GMDS: variants seen among roughly 807,000 people sequenced by gnomAD.
GMDS encodes the protein GDP-mannose 4,6 dehydratase.
Under a neutral mutation model 49.9 loss-of-function variants are expected in GMDS, and 20 were observed. The observed-to-expected ratio is 0.40, with a 90% confidence interval of 0.28 to 0.58. The LOEUF is 0.58. GMDS is among the 20% of genes least tolerant of loss of function. The pLI, the probability that GMDS is intolerant of heterozygous loss-of-function variation, is 0.42. For missense variants in GMDS, 362 were observed against 481.4 expected (o/e 0.75, Z 2.32); for synonymous variants, 177 against 178.6 (o/e 0.99, Z 0.07).
chr6:1,760,257 T>C (rs1768107560), intron 7 of GMDS, among the ~76,000 whole-genome samples: 1 of 152,192 alleles, frequency 6.6e-6, no homozygotes, highest in Non-Finnish European at 1.5e-5. Flanking sequence ...TCTGCTCCTT[T>C]AGCAAACAAG....
chr6:2,121,106 C>T (rs1380264739), intron 2 of GMDS, among the ~76,000 whole-genome samples: 1 of 152,158 alleles, frequency 6.6e-6, no homozygotes, highest in African/African-American at 2.4e-5. Context: ...CCCAGGGTCA[C>T]GGAGCCTGAA....
chr6:2,029,850 T>C (rs1253997480), intron 4 of GMDS, among the ~76,000 whole-genome samples: 1 of 152,154 alleles, frequency 6.6e-6, no homozygotes, highest in Non-Finnish European at 1.5e-5. Context: ...TTAATTTAAA[T>C]ATAAATTTAA....
intron 7 of GMDS, among the ~76,000 whole-genome samples, chr6:1,838,686 C>T (rs1757029058): frequency 6.6e-6 from 1 of 152,086 alleles, no homozygotes; most frequent in South Asian, 2.1e-4. Context: ...TCCCTTGGAG[C>T]TCTCTATTGA....
At chr6:1,911,983 C>G (rs1033098320) in intron 7 of GMDS, among the ~76,000 whole-genome samples, 2 of 152,054 alleles carry the variant, frequency 1.3e-5, no homozygotes, top group Admixed American at 6.6e-5. Context: ...AGGTCTGAGG[C>G]TACATTTGAA....
rs554510804 is a variant in GMDS, at chr6:1,805,497, C to T, written c.772-62911G>A. Among the ~76,000 whole-genome samples, 226 of 152,270 alleles carry T rather than the reference C, an allele frequency of 1.5e-3. 1 individual carries two copies. The highest frequency in any genetic ancestry group is 5.3e-3 in the African/African-American group (222 of 41,538). On this transcript the variant is annotated intron_variant, in intron 7 of 10. Transcript: ENST00000380815. ...CCTCTGGAGGTCTCTAAGATGCTTT[C>T]GTTTGGTCTTCAAGGGCAAAACCAT...
intron 9 of GMDS, among the ~76,000 whole-genome samples, chr6:1,713,063 AGAAT>A (rs1766029041): frequency 6.6e-6 from 1 of 152,210 alleles, no homozygotes; most frequent in Admixed American, 6.5e-5. Context: ...AAGACTATGT[AGAAT>A]CCAGCCACGG....
intron 8 of GMDS, among the ~76,000 whole-genome samples, chr6:1,731,547 A>G (rs1295616367): frequency 6.6e-6 from 1 of 152,228 alleles, no homozygotes; most frequent in Non-Finnish European, 1.5e-5. Context: ...CAATGGAGTA[A>G]CACCTTCAAA....
chr6:1,837,869 A>G (rs1215654223), intron 7 of GMDS, among the ~76,000 whole-genome samples: 1 of 152,092 alleles, frequency 6.6e-6, no homozygotes, highest in East Asian at 1.9e-4. Context: ...GAGGAAGGAG[A>G]CCCAGGCCTC....
intron 7 of GMDS, among the ~76,000 whole-genome samples, chr6:1,755,111 T>C (rs1767890929): frequency 6.6e-6 from 1 of 152,216 alleles, no homozygotes; most frequent in African/African-American, 2.4e-5. Context: ...GCAGATGACA[T>C]GATTGTATAT....
chr6:2,169,087 A>G (rs991741832), intron 1 of GMDS, among the ~76,000 whole-genome samples: 8 of 152,036 alleles, frequency 5.3e-5, no homozygotes, highest in East Asian at 1.9e-4. Flanking sequence ...TTCCAGAGGG[A>G]AAAAAAACTA....
At position 1,781,826 on chromosome 6, in the gene GMDS, T is replaced by C. The variant is rs1769101602; in HGVS notation, c.772-39240A>G. On this transcript the variant is annotated intron_variant, in intron 7 of 10. Coordinates refer to ENST00000380815, the MANE Select transcript of GMDS (RefSeq NM_001500.4). ...TTTTACAGTATTGTAGGAATAATAATATAGAACTGGTGCAATCCTCTCAAA... is the reference window on the plus strand; with the variant it reads ...TTTTACAGTATTGTAGGAATAATAACATAGAACTGGTGCAATCCTCTCAAA... 1.3e-5 allele frequency among the ~76,000 whole-genome samples: 2 copies of C among 151,854 alleles called. 1 individual carries two copies. Among genetic ancestry groups the C allele is most frequent in the South Asian group, 4.2e-4 (2 of 4,814 alleles).
intron 4 of GMDS, among the ~76,000 whole-genome samples, chr6:2,071,324 T>G (rs1021494335): frequency 1.3e-5 from 2 of 152,218 alleles, no homozygotes; most frequent in African/African-American, 4.8e-5. Flanking sequence ...CTTATCCTGA[T>G]GAATTGGTCT....
chr6:1,709,676 C>T (rs900064725), intron 9 of GMDS, among the ~76,000 whole-genome samples: 1 of 152,160 alleles, frequency 6.6e-6, no homozygotes, highest in African/African-American at 2.4e-5. Flanking sequence ...AGGCACAAAC[C>T]CACTCCTCTG....
At position 1,642,153 on chromosome 6, in the gene GMDS, CTTTTT is replaced by C. The variant is rs543577735; in HGVS notation, c.988-17618_988-17614del. Among the ~76,000 whole-genome samples, 14 of 110,774 alleles carry C rather than the reference CTTTTT, an allele frequency of 1.3e-4. No individual in the cohort carries two copies. The East Asian group carries it at 4.2e-3, about 33-fold the overall frequency. The allele number at this position is 110,774 out of a possible 152,430, so 72.7% of individuals were successfully genotyped here. A position where few individuals can be genotyped will look rare whatever the true frequency, so the allele number is the denominator to read the frequency against. On this transcript the variant is annotated intron_variant, in intron 9 of 10. Transcript: ENST00000380815. ...CTCTTGAAATCTGGGCAGTTTCCAT[CTTTTT>C]TTTTTTTTTTTTTTTTTTTTAAGAA...
chr6:1,850,207 T>C (rs1221089753), intron 7 of GMDS, among the ~76,000 whole-genome samples: 2 of 152,226 alleles, frequency 1.3e-5, no homozygotes, highest in Non-Finnish European at 2.9e-5. Flanking sequence ...GCCAAGCTGC[T>C]ATCGGATGTA....
chr6:1,805,582 G>A (rs539953472), intron 7 of GMDS, among the ~76,000 whole-genome samples: 10 of 152,270 alleles, frequency 6.6e-5, no homozygotes, highest in Admixed American at 1.3e-4. Context: ...CCGATATACA[G>A]GAGATACTGA....
chr6:1,832,998 T>C (rs981158896), intron 7 of GMDS, among the ~76,000 whole-genome samples: 2 of 152,096 alleles, frequency 1.3e-5, no homozygotes, highest in African/African-American at 2.4e-5. Context: ...TGAAGATCAT[T>C]AGTAGCACTG....
chr6:1,796,562 A>AT (rs1769742538), intron 7 of GMDS, among the ~76,000 whole-genome samples: 1 of 152,136 alleles, frequency 6.6e-6, no homozygotes, highest in Admixed American at 6.5e-5. Context: ...GTTTTGGAAA[A>AT]TTTCCTTGGG....
At chr6:1,724,246 T>C (rs1461322912) in intron 9 of GMDS, among the ~76,000 whole-genome samples, 1 of 152,052 alleles carries the variant, frequency 6.6e-6, no homozygotes, top group African/African-American at 2.4e-5. Flanking sequence ...GCATATGAAA[T>C]CAGACACCAC....
Sources: gnomAD v4.1 joint callset for allele counts (sites outside exome capture counted in the v4.1 genomes callset) on GRCh38, gnomAD v4.1.1 for gene constraint, MANE v1.5 for transcripts, NCBI Gene and HGNC (gene_info 2026-07-23, HGNC 2026-07-21) for gene names.